MAPK13: variants seen among roughly 807,000 people sequenced by gnomAD.
The protein encoded by MAPK13 is MAP kinase 13.
Under a neutral mutation model 53.5 loss-of-function variants are expected in MAPK13, and 39 were observed. The observed-to-expected ratio is 0.73, with a 90% CI of 0.56 to 0.95. MAPK13 has a LOEUF of 0.95. Among genes scored for constraint, MAPK13 ranks in the 40% least tolerant of loss-of-function variants. The pLI, the probability that MAPK13 is intolerant of heterozygous loss-of-function variation, is 0.00. For synonymous variants in MAPK13, 179 were observed against 190.9 expected, an observed-to-expected ratio of 0.94 and a Z score of 0.51; for missense variants, 460 against 471.8, an observed-to-expected ratio of 0.98 and a Z score of 0.23.
intron 8 of MAPK13, 142 bp from the exon 9 acceptor site, chr6:36,138,223 C>T (rs896910814): frequency 1.7e-5 from 11 of 642,960 alleles, no homozygotes; most frequent in African/African-American, 1.1e-4. Context: ...AAGCCTCCTC[C>T]TGAGAGCAGG....
In MAPK13 at chr6:36,130,737, G is replaced by GGGGCGGT. The variant is rs1554187138; in HGVS notation, c.119+36_119+37insGGGCGGT. 4.7e-6 allele frequency: 3 copies of GGGGCGGT among 643,208 alleles called. No individual in the cohort carries two copies. The highest frequency in any genetic ancestry group is 1.6e-5 in the South Asian group (1 of 64,238). 39.8% of individuals were successfully genotyped at this position (643,208 alleles called of 1,614,324 possible). A position where few individuals can be genotyped will look rare whatever the true frequency, so the allele number is the denominator to read the frequency against. On this transcript the variant is annotated intron_variant, in intron 1 of 11. Transcript: ENST00000211287. The surrounding 1 kb of genome is among the most constrained non-coding windows in gnomAD (Gnocchi z 4.5). ...TGGGCCGCTGGGGGGCGGGGGGCGG[G>GGGGCGGT]CGCCAGGCTCTCCCCTTTCCGCCCA...
chr6:36,137,980 A>AAG, intron 8 of MAPK13, among the ~76,000 whole-genome samples: 1 of 150,850 alleles, frequency 6.6e-6, no homozygotes, highest in Non-Finnish European at 1.5e-5. Context: ...AAAAAAAAAA[A>AAG]TGTAGATAAG....
intron 4 of MAPK13, 27 bp downstream of exon 4, chr6:36,135,888 AG>A: frequency 6.3e-7 from 1 of 1,599,280 alleles, no homozygotes; most frequent in Non-Finnish European, 8.6e-7. Context: ...AGGCTGGCAG[AG>A]GGGACGCCTT....
intron 5 of MAPK13, 71 bp from the exon 6 acceptor site, chr6:36,136,413 G>C (rs1337150802): frequency 2.2e-6 from 3 of 1,350,038 alleles, no homozygotes; most frequent in Non-Finnish European, 3.0e-6. Flanking sequence ...TCACACCCCT[G>C]GGTGGTGGTG....
rs1766530158 is a variant in MAPK13, at chr6:36,141,434, G to A, written c.*2061G>A. 6.6e-6 allele frequency: 1 copy of A among 152,200 alleles called. No homozygotes were observed. Among genetic ancestry groups the A allele is most frequent in the Non-Finnish European group, 1.5e-5 (1 of 68,058 alleles). The allele number at this position is 152,200 out of a possible 1,614,324, so 9.4% of individuals were successfully genotyped here. A position where few individuals can be genotyped will look rare whatever the true frequency, so the allele number is the denominator to read the frequency against. ...CACGCCTGTAATCCCAGCACCTTGG[G>A]AGGCTGAGGTGGGCGGATCACTTGA... On this transcript the variant is annotated 3_prime_UTR_variant, in exon 12 of 12. Coordinates refer to ENST00000211287, the MANE Select transcript of MAPK13 (RefSeq NM_002754.5).
chr6:36,138,817 C>G (rs751921543), intron 10 of MAPK13, 37 bp downstream of exon 10: 2 of 1,613,598 alleles, frequency 1.2e-6, no homozygotes, highest in Non-Finnish European at 1.7e-6. Flanking sequence ...GGCCTCTCAG[C>G]GTATCCCAGA....
chr6:36,136,897 G>T lies in MAPK13; in HGVS notation c.629G>T (p.Gly210Val). Reference protein sequence around the residue: ...YNQTVDIWSVGCIMAEMLTGK... With the variant: ...YNQTVDIWSVVCIMAEMLTGK... ...TCTGCAGTGGACATCTGGTCTGTGG[G>T]CTGTATCATGGCAGAGATGCTGACA... Residue 210 changes from glycine to valine, a missense_variant, in exon 8 of 12, where the codon GGC becomes GTC. Gly to Val is a moderately radical substitution (Grantham distance 109). Transcript: ENST00000211287. 6.2e-7 allele frequency: 1 copy of T among 1,614,224 alleles called. No homozygotes were observed. The highest frequency in any genetic ancestry group is 8.5e-7 in the Non-Finnish European group (1 of 1,180,022).
intron 8 of MAPK13, among the ~76,000 whole-genome samples, chr6:36,137,232 T>C (rs1476646154): frequency 6.6e-6 from 1 of 151,806 alleles, no homozygotes; most frequent in African/African-American, 2.4e-5. Flanking sequence ...TAGCCAGACA[T>C]GGGCCTGGCG....
rs1398327314 is a variant in MAPK13, at chr6:36,143,798, C to T, written c.*4425C>T. The T allele has an allele frequency of 6.6e-6, 1 of 152,144 alleles. No homozygotes were observed. The highest frequency in any genetic ancestry group is 2.4e-5 in the African/African-American group (1 of 41,418). The allele number at this position is 152,144 out of a possible 1,614,324, so 9.4% of individuals were successfully genotyped here. On this transcript the variant is annotated 3_prime_UTR_variant, in exon 12 of 12. Coordinates refer to ENST00000211287, the MANE Select transcript of MAPK13 (RefSeq NM_002754.5). ...TGAAGATGGCAGCAAGTTGTCCTCA[C>T]TTCTTCATTGAGCACCCATGGGTGT...
At chr6:36,138,157 A>AC (rs1446637351) in intron 8 of MAPK13, among the ~76,000 whole-genome samples, 1 of 150,512 alleles carries the variant, frequency 6.6e-6, no homozygotes, top group Non-Finnish European at 1.5e-5. Context: ...TTGGGTAGGG[A>AC]CCCCCCTCAG....
chr6:36,135,852 AG>A lies in MAPK13; in HGVS notation c.410del (p.Gly137AlafsTer15). The A allele has an allele frequency of 6.2e-7, 1 of 1,613,228 alleles. No homozygotes were observed. ...IQYLVYQMLK[G>X]LKYIHSAGVV... ...AGTACCTGGTGTATCAGATGCTCAA[AG>A]GCCTTAAGGTGGGTGGGGACTTGGA... On this transcript the variant is annotated frameshift_variant, in exon 4 of 12. Transcript: ENST00000211287. LOFTEE classifies it high-confidence loss of function.
rs942168868 is a variant in MAPK13 at position 36,130,715 on chromosome 6, G to A, written c.119+14G>A. 1.5e-6 allele frequency: 2 copies of A among 1,356,882 alleles called. No homozygotes were observed. The highest frequency in any genetic ancestry group is 1.0e-6 in the Non-Finnish European group (1 of 992,342). 84.1% of individuals were successfully genotyped at this position (1,356,882 alleles called of 1,614,324 possible). Reference sequence around the variant, plus strand: ...TGGCTCCGTGTGGTGAGACCCCTGGGCCGCTGGGGGGCGGGGGGCGGGCGC... The same window carrying A: ...TGGCTCCGTGTGGTGAGACCCCTGGACCGCTGGGGGGCGGGGGGCGGGCGC... On this transcript the variant is annotated intron_variant, in intron 1 of 11. Coordinates refer to ENST00000211287, the MANE Select transcript of MAPK13 (RefSeq NM_002754.5). This position sits in a 1 kb window ranked among gnomAD's most constrained non-coding sequence, Gnocchi z 4.5.
Position 36,136,662 on chromosome 6 carries a change from G to A in MAPK13, c.502G>A (p.Asp168Asn). The stretch of plus-strand genomic sequence containing the variant: ...TTTATCCCCTGTGCCATAGATTCTG[G>A]ATTTTGGGCTGGCGCGACATGCAGA... Reference protein sequence around the residue: ...VNEDCELKILDFGLARHADAE... With the variant: ...VNEDCELKILNFGLARHADAE... Residue 168 changes from aspartate to asparagine, a missense_variant, in exon 7 of 12, where the codon GAT becomes AAT. Asp to Asn is a conservative substitution (Grantham distance 23). Coordinates refer to ENST00000211287, the MANE Select transcript of MAPK13 (RefSeq NM_002754.5). 6.2e-7 allele frequency: 1 copy of A among 1,613,802 alleles called. No individual in the cohort carries two copies. The highest frequency in any genetic ancestry group is 1.1e-5 in the South Asian group (1 of 90,996).
chr6:36,131,050 G>A (rs1200672930), intron 1 of MAPK13: 2 of 563,208 alleles, frequency 3.6e-6, no homozygotes, highest in East Asian at 3.1e-5. Flanking sequence ...CCCTGCCGTG[G>A]ATCCCGTCGC....
intron 2 of MAPK13, 65 bp from the exon 3 acceptor site, chr6:36,132,556 G>A (rs777284206): frequency 6.8e-6 from 10 of 1,480,536 alleles, no homozygotes; most frequent in Admixed American, 5.0e-5. Flanking sequence ...CATGGCCAGG[G>A]CCCAGGAGGA....
intron 9 of MAPK13, 24 bp from the exon 10 acceptor site, chr6:36,138,678 G>T: frequency 1.9e-6 from 3 of 1,610,646 alleles, no homozygotes; most frequent in East Asian, 2.2e-5. Context: ...GCCCTAAGGG[G>T]TTTGATGCTT....
rs1243023464 is a variant in MAPK13 at position 36,143,361 on chromosome 6, T to G, written c.*3988T>G. The stretch of plus-strand genomic sequence containing the variant: ...TGCACCAGTGCCCAGAGCTGCCTGA[T>G]GGAGGAACAGCTCCGTAAGGGTGAA... On this transcript the variant is annotated 3_prime_UTR_variant, in exon 12 of 12. Coordinates refer to ENST00000211287, the MANE Select transcript of MAPK13 (RefSeq NM_002754.5). The G allele has an allele frequency of 6.6e-6, 1 of 151,958 alleles. No homozygotes were observed. Among genetic ancestry groups the G allele is most frequent in the Non-Finnish European group, 1.5e-5 (1 of 67,988 alleles). The allele number at this position is 151,958 out of a possible 1,614,324, so 9.4% of individuals were successfully genotyped here.
Position 36,138,924 on chromosome 6 carries a change from G to A in MAPK13, c.887G>A (p.Arg296His), listed in dbSNP as rs370476051. The A allele has an allele frequency of 1.6e-5, 26 of 1,612,262 alleles. No individual in the cohort carries two copies. Among genetic ancestry groups the A allele is most frequent in the African/African-American group, 2.7e-5 (2 of 74,842 alleles). The change falls in exon 11 of 12, where the codon CGC (arginine) becomes CAC (histidine). Residue 296 changes from arginine to histidine, a missense_variant. Physicochemically the swap from Arg to His is conservative, Grantham distance 29. Transcript: ENST00000211287. ...EKMLELDVDK[R>H]LTAAQALTHP... ...ATGCTGGAGCTAGACGTGGACAAGC[G>A]CCTGACGGCCGCGCAGGCCCTCACC...
Position 36,130,603 on chromosome 6 carries a change from G to C in MAPK13, c.21G>C (p.Lys7Asn), listed in dbSNP as rs1174315147. The C allele has an allele frequency of 1.9e-6, 3 of 1,578,240 alleles. No individual in the cohort carries two copies. The highest frequency in any genetic ancestry group is 2.6e-6 in the Non-Finnish European group (3 of 1,163,694). Reference protein sequence around the residue: MSLIRKKGFYKQDVNKT... With the variant: MSLIRKNGFYKQDVNKT... Reference sequence around the variant, plus strand: ...CCGGGATGAGCCTCATCCGGAAAAAGGGCTTCTACAAGCAGGACGTCAACA... The same window carrying C: ...CCGGGATGAGCCTCATCCGGAAAAACGGCTTCTACAAGCAGGACGTCAACA... Residue 7 changes from lysine (K) to asparagine (N), a missense_variant, in exon 1 of 12, where the codon AAG becomes AAC. Coordinates refer to ENST00000211287, the MANE Select transcript of MAPK13 (RefSeq NM_002754.5). The surrounding 1 kb of genome is among the most constrained non-coding windows in gnomAD (Gnocchi z 4.5).
Sources: gnomAD v4.1 joint callset for allele counts (sites outside exome capture counted in the v4.1 genomes callset) on GRCh38, gnomAD v4.1.1 for gene constraint, Gnocchi (gnomAD v3.1) non-coding constraint, MANE v1.5 for transcripts, NCBI Gene and HGNC (gene_info 2026-07-23, HGNC 2026-07-21) for gene names.